AIMP1: variants seen among roughly 807,000 people sequenced by gnomAD.
AIMP1 encodes the protein aminoacyl tRNA synthetase complex interacting multifunctional protein 1.
A neutral mutation model predicts 33.1 loss-of-function variants in AIMP1; 24 were observed. The ratio of observed to expected loss-of-function variants is 0.73; its 90% CI spans 0.53 to 1.02. The LOEUF (loss-of-function observed/expected upper bound fraction) is 1.02. Ranked by LOEUF, AIMP1 falls within the 50% of genes least tolerant of loss-of-function variation. The probability of loss-of-function intolerance (pLI) is 0.00; values close to 1 mark genes in which losing one functional copy is unlikely to be tolerated. For synonymous variants in AIMP1, 120 were observed against 121.5 expected (o/e 0.99, Z 0.08); for missense variants, 367 against 364.8 (o/e 1.01, Z -0.05).
chr4:106,335,192 A>T (rs938108057), intron 5 of AIMP1, among the ~76,000 whole-genome samples: 1 of 152,122 alleles, frequency 6.6e-6, no homozygotes, highest in Non-Finnish European at 1.5e-5. Context: ...TTACTTTTTA[A>T]TATTTATGTT....
chr4:106,343,945 G>T (rs2125929197), intron 6 of AIMP1, among the ~76,000 whole-genome samples: 1 of 152,196 alleles, frequency 6.6e-6, no homozygotes, highest in South Asian at 2.1e-4. Flanking sequence ...AATCCAAATT[G>T]TCTATACTTG....
chr4:106,317,720 A>G (rs1228178548), intron 1 of AIMP1, among the ~76,000 whole-genome samples: 2 of 152,354 alleles, frequency 1.3e-5, no homozygotes, highest in Middle Eastern at 3.4e-3. Flanking sequence ...GGCAAACACA[A>G]GTTAAAATCA....
Position 106,327,484 on chromosome 4 carries a change from T to A in AIMP1, c.143T>A (p.Leu48His). Reference sequence around the variant, plus strand: ...GCAACTTTGAGGGAAGAGAAGAAACTTCGAGTTGAAAATGCTAAACTGAAG... The same window carrying A: ...GCAACTTTGAGGGAAGAGAAGAAACATCGAGTTGAAAATGCTAAACTGAAG... ...LQATLREEKK[L>H]RVENAKLKKE... The change falls in exon 3 of 7, where the codon CTT becomes CAT. Residue 48 changes from leucine (L) to histidine (H), a missense_variant. Transcript: ENST00000672341. 1.2e-6 allele frequency: 2 copies of A among 1,612,948 alleles called. No individual in the cohort carries two copies. Among genetic ancestry groups the A allele is most frequent in the Non-Finnish European group, 1.7e-6 (2 of 1,179,288 alleles).
intron 4 of AIMP1, among the ~76,000 whole-genome samples, chr4:106,328,491 A>G (rs1349830484): frequency 1.3e-5 from 2 of 152,172 alleles, no homozygotes; most frequent in South Asian, 2.1e-4. Flanking sequence ...AACAGACTGT[A>G]AAGGTTAAGT....
At chr4:106,327,615 G>C in intron 3 of AIMP1, 51 bp downstream of exon 3, 1 of 1,343,094 alleles carries the variant, frequency 7.4e-7, no homozygotes, top group Non-Finnish European at 1.1e-6. Flanking sequence ...AAGTTGGCCA[G>C]TCACACCAAC....
intron 1 of AIMP1, among the ~76,000 whole-genome samples, chr4:106,318,439 T>C (rs1769071303): frequency 6.6e-6 from 1 of 152,162 alleles, no homozygotes; most frequent in African/African-American, 2.4e-5. Context: ...TTTTTACATA[T>C]CCAGTAATTA....
intron 2 of AIMP1, 23 bp downstream of exon 2, chr4:106,325,141 G>A (rs539058942): frequency 6.3e-7 from 1 of 1,585,086 alleles, no homozygotes; most frequent in Admixed American, 1.7e-5. Flanking sequence ...AAAATTTTTT[G>A]AGGAGATACT....
chr4:106,339,389 T>G (rs1770011424), intron 6 of AIMP1, among the ~76,000 whole-genome samples: 1 of 150,854 alleles, frequency 6.6e-6, no homozygotes, highest in Admixed American at 6.6e-5. Context: ...TGGGGGAGGG[T>G]TTTTCCTGTG....
intron 6 of AIMP1, among the ~76,000 whole-genome samples, chr4:106,345,918 C>A (rs1239037595): frequency 6.1e-5 from 9 of 148,572 alleles, no homozygotes; most frequent in East Asian, 2.0e-4. Flanking sequence ...TATTCCTAAT[C>A]TAAAATATAA....
In AIMP1 at chr4:106,331,746, G is replaced by T. The variant is rs754686608; in HGVS notation, c.466G>T (p.Asp156Tyr). The change falls in exon 5 of 7, where the codon GAT becomes TAT. Residue 156 changes from aspartate to tyrosine, a missense_variant. Transcript: ENST00000672341. ...DSKPIDVSRL[D>Y]LRIGCIITAR... ...TAAGCCAATAGATGTTTCCCGTCTGGATCTTCGAATTGGTTGCATCATAAC... is the reference window on the plus strand; with the variant it reads ...TAAGCCAATAGATGTTTCCCGTCTGTATCTTCGAATTGGTTGCATCATAAC... 2 of 1,613,964 alleles carry T rather than the reference G, an allele frequency of 1.2e-6. No individual in the cohort carries two copies. The highest frequency in any genetic ancestry group is 2.7e-5 in the African/African-American group (2 of 74,920).
At chr4:106,325,221 G>T (rs1002911169) in intron 2 of AIMP1, 103 bp downstream of exon 2, 1 of 1,140,912 alleles carries the variant, frequency 8.8e-7, no homozygotes, top group African/African-American at 1.6e-5. Flanking sequence ...GTTTTACTTA[G>T]AAGTTTCTGT....
At chr4:106,329,038 T>A (rs571031622) in intron 4 of AIMP1, among the ~76,000 whole-genome samples, 1 of 146,340 alleles carries the variant, frequency 6.8e-6, no homozygotes, top group Non-Finnish European at 1.5e-5. Flanking sequence ...CTTAAACTTA[T>A]TTACTTTTTT....
intron 1 of AIMP1, chr4:106,321,189 G>A (rs368459954): frequency 4.6e-4 from 76 of 163,956 alleles, no homozygotes; most frequent in South Asian, 3.8e-3. Context: ...AGTGAGGAGC[G>A]TCTTTGCCTG....
intron 6 of AIMP1, among the ~76,000 whole-genome samples, chr4:106,346,654 C>G (rs1449131078): frequency 6.6e-6 from 1 of 152,062 alleles, no homozygotes; most frequent in Non-Finnish European, 1.5e-5. Context: ...AAGCCATTCT[C>G]CAGTATTGAT....
intron 2 of AIMP1, among the ~76,000 whole-genome samples, chr4:106,325,961 G>A (rs914706149): frequency 1.3e-5 from 2 of 152,236 alleles, no homozygotes; most frequent in African/African-American, 4.8e-5. Context: ...TAAAGGCAGT[G>A]TAAGAGGGTC....
chr4:106,323,256 A>G (rs1354923961), intron 1 of AIMP1, among the ~76,000 whole-genome samples: 1 of 152,006 alleles, frequency 6.6e-6, no homozygotes, highest in Non-Finnish European at 1.5e-5. Context: ...TATTATCTCT[A>G]TTTTCAAAAT....
chr4:106,345,882 AAAATAT>A (rs1198740989), intron 6 of AIMP1, among the ~76,000 whole-genome samples: 8 of 148,334 alleles, frequency 5.4e-5, no homozygotes, highest in Admixed American at 2.0e-4. Context: ...TTCCTAATAT[AAAATAT>A]AAATATAAAA....
intron 6 of AIMP1, among the ~76,000 whole-genome samples, chr4:106,345,222 A>G (rs1770252119): frequency 6.6e-6 from 1 of 152,158 alleles, no homozygotes; most frequent in Non-Finnish European, 1.5e-5. Context: ...TACCCACACA[A>G]TCTATATTCT....
intron 5 of AIMP1, among the ~76,000 whole-genome samples, chr4:106,335,655 G>A (rs987531904): frequency 6.6e-6 from 1 of 152,108 alleles, no homozygotes; most frequent in Non-Finnish European, 1.5e-5. Context: ...ACATTGTCAA[G>A]TTATTTGAAG....
Sources: allele counts gnomAD v4.1 joint callset (sites outside exome capture counted in the v4.1 genomes callset), GRCh38; gene constraint gnomAD v4.1.1; transcripts MANE v1.5; gene names NCBI Gene and HGNC (gene_info 2026-07-23, HGNC 2026-07-21).